The following CENPE variants were observed in gnomAD, a reference collection of about 807,000 sequenced individuals.
CENPE encodes centromere-associated protein E.
In CENPE, 145 loss-of-function variants were observed where a neutral mutation model predicts 336.1. That is an observed-to-expected ratio of 0.43 (90% confidence interval 0.38 to 0.50). CENPE has a LOEUF of 0.50. CENPE is among the 20% of genes least tolerant of loss of function. The pLI is 0.00. For synonymous variants in CENPE, 1,013 were observed against 984.8 expected, an observed-to-expected ratio of 1.03 and a Z score of -0.54; for missense variants, 2,719 against 3,023.3, an observed-to-expected ratio of 0.90 and a Z score of 2.36.
At chr4:103,150,210 T>C (rs1243856081) in intron 26 of CENPE, among the ~76,000 whole-genome samples, 2 of 152,058 alleles carry the variant, frequency 1.3e-5, no homozygotes, top group East Asian at 3.8e-4. Context: ...TATAGGAGTA[T>C]GAAATAGACA....
intron 46 of CENPE, among the ~76,000 whole-genome samples, chr4:103,113,397 TTA>T (rs1185590252): frequency 7.0e-6 from 1 of 143,022 alleles, no homozygotes; most frequent in African/African-American, 2.5e-5. Context: ...ATACTTCTAA[TTA>T]TATAAGTATT....
intron 16 of CENPE, among the ~76,000 whole-genome samples, chr4:103,165,829 A>G (rs1754862861): frequency 6.6e-6 from 1 of 151,836 alleles, no homozygotes; most frequent in African/African-American, 2.4e-5. Flanking sequence ...TATAAAGAAA[A>G]AGTTTTTTAA....
intron 16 of CENPE, among the ~76,000 whole-genome samples, chr4:103,169,436 C>T (rs1404515959): frequency 6.6e-6 from 1 of 152,072 alleles, no homozygotes; most frequent in African/African-American, 2.4e-5. Context: ...CAAAGGTTAC[C>T]AATCAAATTC....
chr4:103,196,264 C>CAA lies in CENPE; in HGVS notation c.149-14_149-13dup, dbSNP rs1757724445. 6.4e-7 allele frequency: 1 copy of CAA among 1,557,540 alleles called. No homozygotes were observed. Among genetic ancestry groups the CAA allele is most frequent in the African/African-American group, 1.4e-5 (1 of 73,642 alleles). ...ATGAAAGACACGATCTAAACAACAACAACAACAACAACAACACAGAAGTTA... is the reference window on the plus strand; with the variant it reads ...ATGAAAGACACGATCTAAACAACAACAAAACAACAACAACAACACAGAAGTTA... On this transcript the variant is annotated splice_polypyrimidine_tract_variant and intron_variant, in intron 2 of 48. Coordinates refer to ENST00000265148, the MANE Select transcript of CENPE (RefSeq NM_001813.3).
At chr4:103,154,515 A>G (rs1433080938) in intron 24 of CENPE, among the ~76,000 whole-genome samples, 1 of 152,178 alleles carries the variant, frequency 6.6e-6, no homozygotes, top group African/African-American at 2.4e-5. Context: ...CTAGAAGATA[A>G]CAGTGATCAC....
chr4:103,189,874 A>T (rs948588810), intron 8 of CENPE, among the ~76,000 whole-genome samples: 4 of 152,194 alleles, frequency 2.6e-5, no homozygotes, highest in African/African-American at 9.6e-5. Flanking sequence ...AGATGACATG[A>T]TTGTGTATCT....
intron 44 of CENPE, 23 bp from the exon 45 acceptor site, chr4:103,116,712 A>T: frequency 7.7e-7 from 1 of 1,299,350 alleles, no homozygotes; most frequent in South Asian, 1.4e-5. Context: ...TAGAGAAAAT[A>T]AAAATAATTA....
Position 103,148,979 on chromosome 4 carries a change from T to A in CENPE, c.3708A>T (p.Glu1236Asp), listed in dbSNP as rs745944494. The A allele has an allele frequency of 3.2e-5, 51 of 1,613,546 alleles. 3 individuals are homozygous for A. The South Asian group carries it at 5.3e-4, about 17-fold the overall frequency. ...TTAGGTGAATATGAGCAATTTTTAG[T>A]TCTTCTTTGGTTTGTAGGCCCTTGG... is the stretch of plus-strand genomic sequence containing the variant. Reference protein sequence around the residue: ...IEATGLQTKEELKIAHIHLKE... With the variant: ...IEATGLQTKEDLKIAHIHLKE... The change falls in exon 28 of 49, where the codon GAA (glutamate) becomes GAT (aspartate). Residue 1236 changes from glutamate (E) to aspartate (D), a missense_variant. Transcript: ENST00000265148.
chr4:103,114,460 G>A lies in CENPE; in HGVS notation c.7535C>T (p.Thr2512Ile), dbSNP rs115296671. 3 of 1,585,382 alleles carry A rather than the reference G, an allele frequency of 1.9e-6. No individual in the cohort carries two copies. Among genetic ancestry groups the A allele is most frequent in the East Asian group, 4.5e-5 (2 of 44,718 alleles). Residue 2512 changes from threonine to isoleucine, a missense_variant, in exon 46 of 49, where the codon ACC becomes ATC. This residue lies in a region of CENPE where 2,437 missense variants were observed against 2,513.3 expected (regional missense o/e 0.97). Transcript: ENST00000265148. ...TATCTGCATTTTCTACTTACCTGAG[G>A]TATCTTGGGCCTGTTGACTTCTTCT... Reference protein sequence around the residue: ...NLRRSQQAQDTSVISEHTDPQ... With the variant: ...NLRRSQQAQDISVISEHTDPQ...
chr4:103,195,176 T>C lies in CENPE; in HGVS notation c.415A>G (p.Ile139Val), dbSNP rs1248082806. 6 of 1,590,214 alleles carry C rather than the reference T, an allele frequency of 3.8e-6. No individual in the cohort carries two copies. Among genetic ancestry groups the C allele is most frequent in the Non-Finnish European group, 5.1e-6 (6 of 1,170,684 alleles). The change falls in exon 5 of 49, where the codon ATT (isoleucine) becomes GTT (valine). Residue 139 changes from isoleucine to valine, a missense_variant. Ile to Val is a conservative substitution (Grantham distance 29, BLOSUM62 3). Coordinates refer to ENST00000265148, the MANE Select transcript of CENPE (RefSeq NM_001813.3). ...VSYMEIYNETITDLLCGTQKM... is the reference protein window; with the variant it reads ...VSYMEIYNETVTDLLCGTQKM... ...TGAGTGCCACAGAGTAAATCTGTAA[T>C]GGTTTCATTGTATATTTCCATGTAA...
intron 2 of CENPE, 144 bp downstream of exon 2, chr4:103,196,615 G>T: frequency 1.7e-6 from 1 of 605,876 alleles, no homozygotes; most frequent in African/African-American, 1.9e-5. Context: ...ATACATGATG[G>T]ATAAACAATT....
At chr4:103,147,797 G>A in intron 28 of CENPE, 151 bp from the exon 29 acceptor site, 1 of 645,698 alleles carries the variant, frequency 1.5e-6, no homozygotes, top group East Asian at 2.8e-5. Flanking sequence ...GGGTTCAAGA[G>A]ATTCTCCTGT....
chr4:103,119,430 A>G lies in CENPE; in HGVS notation c.7329+718T>C, dbSNP rs573115653. On this transcript the variant is annotated intron_variant, in intron 44 of 48. Transcript: ENST00000265148. ...TGAATTTTTTTAGTTTCTAGCTATA[A>G]CAATTGTTGAAAAAACAAATTTAAT... is the stretch of plus-strand genomic sequence containing the variant. Among the ~76,000 whole-genome samples the G allele has an allele frequency of 5.1e-4, 78 of 152,342 alleles. 1 individual carries two copies. In the South Asian group the frequency reaches 0.016, roughly 30 times the overall value.
Position 103,195,927 on chromosome 4 carries a change from A to AT in CENPE, c.349dup (p.Ile117AsnfsTer2). ...TCCAGTTAAGTTACTTACCTTCTTA[A>AT]TTTTTTGGAAAATGTCATGAATTGC... On this transcript the variant is annotated frameshift_variant, in exon 4 of 49. Coordinates refer to ENST00000265148, the MANE Select transcript of CENPE (RefSeq NM_001813.3). LOFTEE classifies it high-confidence loss of function. The AT allele has an allele frequency of 1.2e-6, 2 of 1,606,188 alleles. No individual in the cohort carries two copies. The highest frequency in any genetic ancestry group is 1.7e-6 in the Non-Finnish European group (2 of 1,172,944).
intron 43 of CENPE, among the ~76,000 whole-genome samples, chr4:103,122,588 T>G (rs1750733972): frequency 6.6e-6 from 1 of 152,206 alleles, no homozygotes; most frequent in Admixed American, 6.5e-5. Flanking sequence ...GGAAAACTTT[T>G]GTGGTAATTG....
At chr4:103,143,604 CA>C (rs1232847597) in intron 33 of CENPE, among the ~76,000 whole-genome samples, 198 bp from the exon 34 acceptor site, 1 of 146,586 alleles carries the variant, frequency 6.8e-6, no homozygotes, top group Non-Finnish European at 1.5e-5. Flanking sequence ...CAGGACACTT[CA>C]CCCTTCAAAT....
intron 26 of CENPE, among the ~76,000 whole-genome samples, 173 bp downstream of exon 26, chr4:103,151,046 G>C (rs974954772): frequency 6.6e-6 from 1 of 151,982 alleles, no homozygotes; most frequent in Non-Finnish European, 1.5e-5. Flanking sequence ...ATCCTCATAA[G>C]GTATGTTAGT....
At chr4:103,165,042 T>C (rs1052087337) in intron 16 of CENPE, among the ~76,000 whole-genome samples, 1 of 151,954 alleles carries the variant, frequency 6.6e-6, no homozygotes, top group African/African-American at 2.4e-5. Flanking sequence ...TTATTTGAAA[T>C]AGCACTTTAT....
At chr4:103,165,368 A>ACATTTTC (rs1431322057) in intron 16 of CENPE, among the ~76,000 whole-genome samples, 1 of 152,190 alleles carries the variant, frequency 6.6e-6, no homozygotes, top group Admixed American at 6.5e-5. Flanking sequence ...GTGATACTTG[A>ACATTTTC]CATTTTCCAT....
Sources: allele counts gnomAD v4.1 joint callset (sites outside exome capture counted in the v4.1 genomes callset), GRCh38; gene constraint gnomAD v4.1.1; regional missense constraint gnomAD v4.1.1; transcripts MANE v1.5; gene names NCBI Gene and HGNC (gene_info 2026-07-23, HGNC 2026-07-21).